The following SGCZ variants were observed in gnomAD, a reference collection of about 807,000 sequenced individuals.
The protein encoded by SGCZ is sarcoglycan zeta, also known as zeta-sarcoglycan.
A neutral mutation model predicts 41.3 loss-of-function variants in SGCZ; 40 were observed. The ratio of observed to expected loss-of-function variants is 0.97; its 90% confidence interval spans 0.75 to 1.26. The LOEUF is 1.26. SGCZ is among the 50% of genes most tolerant of loss of function. SGCZ has a pLI of 0.00. For missense variants in SGCZ, 552 were observed against 369.8 expected (o/e 1.49, Z -4.04); for synonymous variants, 206 against 137.5 (o/e 1.50, Z -3.49).
At chr8:14,213,972 T>C (rs142922835) in intron 4 of SGCZ, among the ~76,000 whole-genome samples, 1 of 152,154 alleles carries the variant, frequency 6.6e-6, no homozygotes, top group African/African-American at 2.4e-5. Context: ...GTGTTCAACA[T>C]GTTCATAGCA....
At chr8:14,815,804 T>C (rs12676853) in intron 1 of SGCZ, among the ~76,000 whole-genome samples, 39,919 of 152,100 alleles carry the variant, frequency 0.26, 6,531 homozygotes, top group East Asian at 0.58. Flanking sequence ...TGTGGTATTA[T>C]GGAATAAAAC....
At chr8:15,091,653 A>G (rs1234497529) in intron 1 of SGCZ, among the ~76,000 whole-genome samples, 1 of 152,218 alleles carries the variant, frequency 6.6e-6, no homozygotes, top group Non-Finnish European at 1.5e-5. Context: ...TCCAATTTAA[A>G]TAAGGACCTG....
intron 1 of SGCZ, among the ~76,000 whole-genome samples, chr8:15,177,534 A>T (rs924393188): frequency 6.6e-6 from 1 of 152,212 alleles, no homozygotes; most frequent in Non-Finnish European, 1.5e-5. Flanking sequence ...GTAAATGATC[A>T]TTTTTTAAAA....
At chr8:14,145,134 C>T (rs1191938004) in intron 5 of SGCZ, among the ~76,000 whole-genome samples, 1 of 152,152 alleles carries the variant, frequency 6.6e-6, no homozygotes, top group Non-Finnish European at 1.5e-5. Flanking sequence ...GGACAAGACC[C>T]AGTGCTGTGC....
chr8:14,339,134 C>T (rs1802609853), intron 2 of SGCZ, among the ~76,000 whole-genome samples: 1 of 152,036 alleles, frequency 6.6e-6, no homozygotes, highest in African/African-American at 2.4e-5. Context: ...AAAGAAAAAT[C>T]AGTGCTACGA....
At chr8:14,182,785 G>A (rs368285311) in intron 4 of SGCZ, among the ~76,000 whole-genome samples, 5 of 151,940 alleles carry the variant, frequency 3.3e-5, no homozygotes, top group African/African-American at 4.8e-5. Flanking sequence ...GAGAGGGGGC[G>A]GATCACCTGA....
chr8:14,590,417 C>G lies in SGCZ; in HGVS notation c.40-35491G>C, dbSNP rs1169031155. Among the ~76,000 whole-genome samples the G allele has an allele frequency of 3.3e-5, 5 of 151,672 alleles. No homozygotes were observed. The East Asian group carries it at 7.7e-4, about 23-fold the overall frequency. The stretch of plus-strand genomic sequence containing the variant: ...TTAATTGGTCAAGAAATATTGTTGT[C>G]TGTGTTTCATTATATGTACAGCACA... On this transcript the variant is annotated intron_variant, in intron 1 of 7. Transcript: ENST00000382080.
intron 3 of SGCZ, among the ~76,000 whole-genome samples, chr8:14,261,456 A>G (rs554486208): frequency 9.9e-5 from 15 of 152,284 alleles, no homozygotes; most frequent in Admixed American, 3.9e-4. Context: ...GAGGTAATAT[A>G]TATCACCAAT....
chr8:14,379,483 G>T (rs904076094), intron 2 of SGCZ, among the ~76,000 whole-genome samples: 1 of 152,084 alleles, frequency 6.6e-6, no homozygotes, highest in African/African-American at 2.4e-5. Context: ...ATAATCTTGG[G>T]CAAATGGACA....
At chr8:14,515,234 C>A (rs1167008124) in intron 2 of SGCZ, among the ~76,000 whole-genome samples, 1 of 152,028 alleles carries the variant, frequency 6.6e-6, no homozygotes, top group Non-Finnish European at 1.5e-5. Flanking sequence ...GTATCCAGGG[C>A]AACTGGATGG....
intron 1 of SGCZ, among the ~76,000 whole-genome samples, chr8:14,897,549 G>T (rs1805247942): frequency 6.6e-6 from 1 of 152,148 alleles, no homozygotes; most frequent in South Asian, 2.1e-4. Flanking sequence ...TGCACCCTCA[G>T]TCTAATCATT....
intron 1 of SGCZ, among the ~76,000 whole-genome samples, chr8:14,791,230 A>G (rs1465775018): frequency 6.6e-6 from 1 of 152,010 alleles, no homozygotes; most frequent in African/African-American, 2.4e-5. Context: ...CATCCTTTAA[A>G]TTGTACATTA....
chr8:14,730,227 A>G (rs779696751), intron 1 of SGCZ, among the ~76,000 whole-genome samples: 5 of 152,190 alleles, frequency 3.3e-5, no homozygotes, highest in African/African-American at 4.8e-5. Flanking sequence ...TTATGGTACA[A>G]CTGGCACATT....
intron 2 of SGCZ, among the ~76,000 whole-genome samples, chr8:14,333,154 G>C (rs1044514267): frequency 6.6e-6 from 1 of 152,068 alleles, no homozygotes; most frequent in Non-Finnish European, 1.5e-5. Context: ...AATGTGCATA[G>C]AAACAACATC....
rs558624990 is a variant in SGCZ, at chr8:14,552,662, C to T, written c.234+2070G>A. Reference sequence around the variant, plus strand: ...TAAAGAGCTCCATGGGTGACAGGAACCCTGAGGCCCATGAGGATCCTGAGG... The same window carrying T: ...TAAAGAGCTCCATGGGTGACAGGAATCCTGAGGCCCATGAGGATCCTGAGG... On this transcript the variant is annotated intron_variant, in intron 2 of 7. Transcript: ENST00000382080. Among the ~76,000 whole-genome samples, 5 of 152,110 alleles carry T rather than the reference C, an allele frequency of 3.3e-5. No homozygotes were observed. The East Asian group carries it at 9.7e-4, about 29-fold the overall frequency.
chr8:14,786,752 G>C (rs1393389510), intron 1 of SGCZ, among the ~76,000 whole-genome samples: 1 of 150,930 alleles, frequency 6.6e-6, no homozygotes, highest in Non-Finnish European at 1.5e-5. Flanking sequence ...CAATGAATAT[G>C]TCATAAATTA....
At chr8:14,357,596 T>C (rs1374282334) in intron 2 of SGCZ, among the ~76,000 whole-genome samples, 1 of 152,130 alleles carries the variant, frequency 6.6e-6, no homozygotes, top group Admixed American at 6.6e-5. Context: ...CTCCACGTAA[T>C]AATAACAACT....
chr8:14,576,843 T>C (rs1460802574), intron 1 of SGCZ, among the ~76,000 whole-genome samples: 7 of 152,178 alleles, frequency 4.6e-5, no homozygotes, highest in Admixed American at 3.3e-4. Flanking sequence ...CTTTTGGGTT[T>C]ATAAGAGAGA....
intron 1 of SGCZ, among the ~76,000 whole-genome samples, chr8:14,829,851 G>A (rs1802466613): frequency 6.6e-6 from 1 of 151,990 alleles, no homozygotes; most frequent in Non-Finnish European, 1.5e-5. Context: ...TCGCTCTGTC[G>A]CCCAGGCTGG....
Sources: gnomAD v4.1 joint callset for allele counts (sites outside exome capture counted in the v4.1 genomes callset) on GRCh38, gnomAD v4.1.1 for gene constraint, MANE v1.5 for transcripts, NCBI Gene and HGNC (gene_info 2026-07-23, HGNC 2026-07-21) for gene names.